The following VPS13A variants were observed in gnomAD, a reference collection of about 807,000 sequenced individuals.
VPS13A encodes vacuolar protein sorting 13 homolog A, also known as intermembrane lipid transfer protein VPS13A.
Under a neutral mutation model 390.9 loss-of-function variants are expected in VPS13A, and 264 were observed. That is an observed-to-expected ratio of 0.68 (90% CI 0.61 to 0.75). The LOEUF (loss-of-function observed/expected upper bound fraction) is 0.75. Ranked by LOEUF, VPS13A falls within the 30% of genes least tolerant of loss-of-function variation. The pLI is 0.00. For synonymous variants in VPS13A, 1,231 were observed against 1,227.1 expected, an observed-to-expected ratio of 1.00 and a Z score of -0.07; for missense variants, 3,409 against 3,733.9, an observed-to-expected ratio of 0.91 and a Z score of 2.27.
At chr9:77,300,999 A>G (rs1252557857) in intron 33 of VPS13A, among the ~76,000 whole-genome samples, 6 of 152,274 alleles carry the variant, frequency 3.9e-5, no homozygotes, top group Non-Finnish European at 8.8e-5. Context: ...ATTAAAATGC[A>G]ATATATTAAA....
chr9:77,404,139 C>T (rs564691637), intron 69 of VPS13A, among the ~76,000 whole-genome samples: 100 of 152,218 alleles, frequency 6.6e-4, no homozygotes, highest in African/African-American at 2.3e-3. Flanking sequence ...AGAAGTTATA[C>T]CTGTAAAAAG....
intron 1 of VPS13A, among the ~76,000 whole-genome samples, chr9:77,182,875 T>G (rs1824106391): frequency 6.6e-6 from 1 of 152,162 alleles, no homozygotes; most frequent in Non-Finnish European, 1.5e-5. Flanking sequence ...TATAATAGAA[T>G]CATGTGTTTA....
intron 42 of VPS13A, among the ~76,000 whole-genome samples, chr9:77,320,155 T>C (rs773658838): frequency 2.6e-4 from 39 of 152,166 alleles, no homozygotes; most frequent in Non-Finnish European, 3.5e-4. Context: ...TGGAGGTAGA[T>C]ACAGTTTTTA....
At chr9:77,311,065 C>T (rs1361598474) in intron 35 of VPS13A, among the ~76,000 whole-genome samples, 1 of 152,050 alleles carries the variant, frequency 6.6e-6, no homozygotes. Flanking sequence ...GCTGGGACTA[C>T]AGGTGCCCAC....
chr9:77,287,203 A>G lies in VPS13A; in HGVS notation c.3339+3553A>G, dbSNP rs116724297. Among the ~76,000 whole-genome samples, 1,196 of 148,070 alleles carry G rather than the reference A, an allele frequency of 8.1e-3. 18 individuals carry two copies. The highest frequency in any genetic ancestry group is 0.028 in the African/African-American group (1,122 of 40,796). On this transcript the variant is annotated intron_variant, in intron 31 of 71. Transcript: ENST00000360280. ...CTAATTATATATATTATATAATAAT[A>G]TATTTTATATATACATAAAATTCTC... is the stretch of plus-strand genomic sequence containing the variant.
rs112818648 is a variant in VPS13A, at chr9:77,358,128, G to A, written c.7954-229G>A. Among the ~76,000 whole-genome samples the A allele has an allele frequency of 2.3e-3, 344 of 151,598 alleles. 1 individual carries two copies. Among genetic ancestry groups the A allele is most frequent in the African/African-American group, 7.9e-3 (327 of 41,300 alleles). On this transcript the variant is annotated intron_variant, in intron 56 of 71. Transcript: ENST00000360280. ...CCACCACCATGGCCACCTAATTTTT[G>A]TATTTTTAGTAGAGACGGGGTTTCA...
At chr9:77,328,464 G>A (rs937032823) in intron 45 of VPS13A, among the ~76,000 whole-genome samples, 7 of 152,148 alleles carry the variant, frequency 4.6e-5, no homozygotes, top group African/African-American at 1.2e-4. Flanking sequence ...ACTGTCCTTC[G>A]AAGCTTTGAA....
chr9:77,341,252 G>A (rs915072904), intron 50 of VPS13A, among the ~76,000 whole-genome samples: 6 of 152,074 alleles, frequency 3.9e-5, no homozygotes, highest in East Asian at 1.9e-4. Context: ...AAACCCAGGC[G>A]TTCCAGGGGG....
intron 26 of VPS13A, among the ~76,000 whole-genome samples, chr9:77,277,380 C>G (rs529987961): frequency 6.6e-6 from 1 of 152,316 alleles, no homozygotes; most frequent in East Asian, 1.9e-4. Flanking sequence ...TTATCAACAT[C>G]CTCCACTAGA....
At chr9:77,402,682 C>T (rs1834440904) in intron 68 of VPS13A, among the ~76,000 whole-genome samples, 1 of 152,178 alleles carries the variant, frequency 6.6e-6, no homozygotes, top group South Asian at 2.1e-4. Flanking sequence ...AGTGTTTCAA[C>T]AGTCTTGAAA....
chr9:77,369,725 A>G (rs951199346), intron 63 of VPS13A, among the ~76,000 whole-genome samples: 1 of 152,226 alleles, frequency 6.6e-6, no homozygotes, highest in Non-Finnish European at 1.5e-5. Context: ...AAAAATAATC[A>G]TGCAAACTGA....
At position 77,220,307 on chromosome 9, in the gene VPS13A, G is replaced by C. The variant is rs755236881; in HGVS notation, c.913G>C (p.Val305Leu). Residue 305 changes from valine to leucine, a missense_variant, in exon 12 of 72, where the codon GTT becomes CTT. Transcript: ENST00000360280. ...YFSIMELLES[V>L]DMMAQNLPYR... is the part of the protein sequence containing the mutation. ...CAGTATTATGGAGCTTCTTGAATCA[G>C]TTGATATGATGGCACAAAATCTGCC... 3.7e-6 allele frequency: 6 copies of C among 1,611,788 alleles called. No individual in the cohort carries two copies. In the East Asian group the frequency reaches 1.3e-4, roughly 36 times the overall value.
chr9:77,250,072 C>G, intron 20 of VPS13A, 25 bp from the exon 21 acceptor site: 2 of 1,612,342 alleles, frequency 1.2e-6, no homozygotes, highest in Non-Finnish European at 1.7e-6. Flanking sequence ...TTTGCATAGT[C>G]TAAACTATTA....
intron 54 of VPS13A, among the ~76,000 whole-genome samples, chr9:77,354,525 G>C (rs1304127171): frequency 6.6e-6 from 1 of 151,928 alleles, no homozygotes; most frequent in African/African-American, 2.4e-5. Flanking sequence ...CTACCTTTCT[G>C]TTTCTTAAAT....
At chr9:77,386,153 A>G (rs1048155924) in intron 68 of VPS13A, among the ~76,000 whole-genome samples, 1 of 152,242 alleles carries the variant, frequency 6.6e-6, no homozygotes, top group Non-Finnish European at 1.5e-5. Flanking sequence ...CCATTAAAAT[A>G]GTCATTGCTT....
At chr9:77,178,569 G>C (rs1300783260) in intron 1 of VPS13A, among the ~76,000 whole-genome samples, 1 of 152,214 alleles carries the variant, frequency 6.6e-6, no homozygotes, top group Non-Finnish European at 1.5e-5. Context: ...AGGGCGTGCG[G>C]TGCAACGTCT....
chr9:77,275,769 T>G lies in VPS13A; in HGVS notation c.2667+117T>G. ...TCTTTTTCACCCTAATTAAAGTAATTCCAGACTTGCTGTGTGATTCTTGGT... is the reference window on the plus strand; with the variant it reads ...TCTTTTTCACCCTAATTAAAGTAATGCCAGACTTGCTGTGTGATTCTTGGT... On this transcript the variant is annotated intron_variant, in intron 25 of 71. Transcript: ENST00000360280. 4 of 1,238,482 alleles carry G rather than the reference T, an allele frequency of 3.2e-6. No homozygotes were observed. The South Asian group carries it at 5.4e-5, about 17-fold the overall frequency. 76.7% of individuals were successfully genotyped at this position (1,238,482 alleles called of 1,614,324 possible). A position where few individuals can be genotyped will look rare whatever the true frequency, so the allele number is the denominator to read the frequency against.
At chr9:77,408,912 T>G (rs1834763993) in intron 71 of VPS13A, among the ~76,000 whole-genome samples, 1 of 152,194 alleles carries the variant, frequency 6.6e-6, no homozygotes, top group Non-Finnish European at 1.5e-5. Context: ...CTCTGCAGAC[T>G]TAAATGTCCC....
In VPS13A at chr9:77,315,323, G is replaced by C; in HGVS notation, c.4483G>C (p.Gly1495Arg). 6.2e-7 allele frequency: 1 copy of C among 1,613,946 alleles called. No individual in the cohort carries two copies. The highest frequency in any genetic ancestry group is 8.5e-7 in the Non-Finnish European group (1 of 1,179,844). The change falls in exon 38 of 72, where the codon GGT becomes CGT. Residue 1495 changes from glycine to arginine, a missense_variant. Transcript: ENST00000360280. ...TATAAAGTACAGGAAAGTCAGAGAT[G>C]GTTGTGTGACTGATGCGGTCTTTCA... ...MDIKYRKVRD[G>R]CVTDAVFQEM...
Sources: allele counts gnomAD v4.1 joint callset (sites outside exome capture counted in the v4.1 genomes callset), GRCh38; gene constraint gnomAD v4.1.1; transcripts MANE v1.5; gene names NCBI Gene and HGNC (gene_info 2026-07-23, HGNC 2026-07-21).